The following COL26A1 variants were observed in gnomAD, a reference collection of about 807,000 sequenced individuals.
COL26A1 encodes the protein collagen type XXVI alpha 1 chain.
A neutral mutation model predicts 59.3 loss-of-function variants in COL26A1; 41 were observed. That is an observed-to-expected ratio of 0.69 (90% CI 0.54 to 0.90). COL26A1 has a LOEUF of 0.90. Ranked by LOEUF, COL26A1 falls within the 40% of genes least tolerant of loss-of-function variation. The pLI is 0.00. For synonymous variants in COL26A1, 266 were observed against 256.0 expected, an observed-to-expected ratio of 1.04 and a Z score of -0.37; for missense variants, 612 against 602.3, an observed-to-expected ratio of 1.02 and a Z score of -0.17.
chr7:101,499,169 T>C (rs961010540), intron 3 of COL26A1, among the ~76,000 whole-genome samples: 4 of 152,138 alleles, frequency 2.6e-5, no homozygotes, highest in Non-Finnish European at 4.4e-5. Context: ...CTGGCTGACC[T>C]GGGGACTGTG....
intron 2 of COL26A1, among the ~76,000 whole-genome samples, chr7:101,444,251 C>T (rs1793130774): frequency 6.6e-6 from 1 of 151,768 alleles, no homozygotes; most frequent in East Asian, 1.9e-4. Context: ...AATCTATGAC[C>T]GCAATATAGC....
chr7:101,372,492 C>T (rs1271162556), intron 1 of COL26A1, among the ~76,000 whole-genome samples: 1 of 151,936 alleles, frequency 6.6e-6, no homozygotes, highest in Non-Finnish European at 1.5e-5. Context: ...GGATTGTGTT[C>T]CTGACCACAT....
At chr7:101,385,230 A>T (rs1347520966) in intron 1 of COL26A1, among the ~76,000 whole-genome samples, 5 of 25,298 alleles carry the variant, frequency 2.0e-4, no homozygotes, top group African/African-American at 3.2e-4. Context: ...ACACACACAC[A>T]CTATATATAT....
At chr7:101,433,951 T>C (rs960008545) in intron 2 of COL26A1, among the ~76,000 whole-genome samples, 1 of 152,036 alleles carries the variant, frequency 6.6e-6, no homozygotes, top group African/African-American at 2.4e-5. Context: ...AATGAATGCG[T>C]TCATCTTCTT....
chr7:101,507,246 C>A (rs1167660457), intron 3 of COL26A1, among the ~76,000 whole-genome samples: 5 of 152,148 alleles, frequency 3.3e-5, no homozygotes, highest in African/African-American at 1.2e-4. Context: ...TCTCCTTGCT[C>A]AGTGAAAAAC....
rs759299775 is a variant in COL26A1, at chr7:101,545,327, C to T, written c.704-11C>T. 8 of 1,553,292 alleles carry T rather than the reference C, an allele frequency of 5.2e-6. No homozygotes were observed. In the African/African-American group the frequency reaches 9.9e-5, roughly 19 times the overall value. ...CGGCTGCCACAGTGACTGTTCTTTT[C>T]CTCATTGCAGGGCTCCTGGGGCCTC... On this transcript the variant is annotated splice_polypyrimidine_tract_variant and intron_variant, in intron 6 of 12. Transcript: ENST00000313669.
chr7:101,402,193 C>G (rs1264845808), intron 1 of COL26A1, among the ~76,000 whole-genome samples: 2 of 152,182 alleles, frequency 1.3e-5, no homozygotes, highest in East Asian at 3.9e-4. Context: ...AAAAGGTGTT[C>G]TGCTGGTGGA....
intron 11 of COL26A1, 24 bp from the exon 12 acceptor site, chr7:101,555,763 C>T (rs1398046415): frequency 1.3e-6 from 2 of 1,591,876 alleles, no homozygotes; most frequent in African/African-American, 2.7e-5. Context: ...CCGGCCCTGA[C>T]CCTGCCTGTT....
intron 1 of COL26A1, among the ~76,000 whole-genome samples, chr7:101,398,397 C>T (rs760520822): frequency 3.9e-5 from 6 of 152,168 alleles, no homozygotes; most frequent in Non-Finnish European, 7.3e-5. Flanking sequence ...TTCCCTCTCC[C>T]TCCGCCCATA....
intron 3 of COL26A1, among the ~76,000 whole-genome samples, chr7:101,489,717 C>T (rs1210612271): frequency 3.4e-5 from 3 of 88,216 alleles, no homozygotes; most frequent in African/African-American, 2.3e-4. Flanking sequence ...TTCTTTCATT[C>T]TTTCTTTCTC....
chr7:101,525,630 G>T (rs1456168008), intron 3 of COL26A1, among the ~76,000 whole-genome samples: 2 of 151,118 alleles, frequency 1.3e-5, no homozygotes, highest in Non-Finnish European at 2.9e-5. Flanking sequence ...CTGAGTAGCT[G>T]GGACTACAGG....
intron 1 of COL26A1, among the ~76,000 whole-genome samples, chr7:101,387,774 A>ATTTTTTTTTTTT: frequency 2.0e-5 from 1 of 48,900 alleles, no homozygotes; most frequent in Non-Finnish European, 4.1e-5. Context: ...ATATATATAT[A>ATTTTTTTTTTTT]TATATTTTTT....
At chr7:101,379,540 C>T (rs1482590411) in intron 1 of COL26A1, among the ~76,000 whole-genome samples, 1 of 152,190 alleles carries the variant, frequency 6.6e-6, no homozygotes, top group Non-Finnish European at 1.5e-5. Flanking sequence ...CAGATTGTTG[C>T]CCCTGCCTTT....
chr7:101,364,070 G>T (rs1398476642), intron 1 of COL26A1, among the ~76,000 whole-genome samples: 1 of 152,138 alleles, frequency 6.6e-6, no homozygotes, highest in Non-Finnish European at 1.5e-5. Flanking sequence ...CCGGGCCCGG[G>T]CGCCGGGACC....
chr7:101,399,878 C>T (rs949308808), intron 1 of COL26A1, among the ~76,000 whole-genome samples: 24 of 152,314 alleles, frequency 1.6e-4, no homozygotes, highest in African/African-American at 4.8e-4. Context: ...ATAATTAGTT[C>T]TTCCATGGCC....
At chr7:101,412,507 T>C (rs1359037319) in intron 1 of COL26A1, among the ~76,000 whole-genome samples, 1 of 151,978 alleles carries the variant, frequency 6.6e-6, no homozygotes, top group East Asian at 1.9e-4. Flanking sequence ...TAGCCAGGCG[T>C]GGTGGTGTGC....
At chr7:101,367,101 T>C (rs993050911) in intron 1 of COL26A1, among the ~76,000 whole-genome samples, 2 of 152,200 alleles carry the variant, frequency 1.3e-5, no homozygotes, top group African/African-American at 4.8e-5. Context: ...CTGTATCTCT[T>C]CTATTTTGGA....
At chr7:101,402,560 T>C (rs1026785171) in intron 1 of COL26A1, among the ~76,000 whole-genome samples, 1 of 142,996 alleles carries the variant, frequency 7.0e-6, no homozygotes, top group Admixed American at 6.8e-5. Context: ...TCTCTTTTTC[T>C]TTCTTTCTTT....
chr7:101,444,260 G>A (rs1014419342), intron 2 of COL26A1, among the ~76,000 whole-genome samples: 3 of 151,814 alleles, frequency 2.0e-5, no homozygotes, highest in Non-Finnish European at 4.4e-5. Flanking sequence ...CCGCAATATA[G>A]CACAAAGTGG....
Sources: allele counts gnomAD v4.1 joint callset (sites outside exome capture counted in the v4.1 genomes callset), GRCh38; gene constraint gnomAD v4.1.1; transcripts MANE v1.5; gene names NCBI Gene and HGNC (gene_info 2026-07-23, HGNC 2026-07-21).